The following DOCK4 variants were observed in gnomAD, a reference collection of about 807,000 sequenced individuals.
The protein encoded by DOCK4 is dedicator of cytokinesis protein 4.
A neutral mutation model predicts 268.1 loss-of-function variants in DOCK4; 97 were observed. The observed-to-expected ratio is 0.36, with a 90% confidence interval of 0.31 to 0.43. DOCK4 has a LOEUF of 0.43. Ranked by LOEUF, DOCK4 falls within the 20% of genes least tolerant of loss-of-function variation. The probability of loss-of-function intolerance (pLI) is 1.00; values close to 1 mark genes in which losing one functional copy is unlikely to be tolerated. For missense variants in DOCK4, 2,145 were observed against 2,455.7 expected, an observed-to-expected ratio of 0.87 and a Z score of 2.67; for synonymous variants, 954 against 887.2, an observed-to-expected ratio of 1.08 and a Z score of -1.34.
At chr7:112,195,895 G>T (rs1440941658) in intron 1 of DOCK4, among the ~76,000 whole-genome samples, 1 of 152,120 alleles carries the variant, frequency 6.6e-6, no homozygotes, top group East Asian at 1.9e-4. Flanking sequence ...ATCCAGAAGG[G>T]TTCTCACCAA....
At chr7:111,778,508 A>G (rs2133732906) in intron 35 of DOCK4, 139 bp from the exon 36 acceptor site, 1 of 490,890 alleles carries the variant, frequency 2.0e-6, no homozygotes. Context: ...TAAAAATGAA[A>G]TAAGGTGGCT....
intron 25 of DOCK4, among the ~76,000 whole-genome samples, chr7:111,835,410 T>C (rs150899141): frequency 2.2e-4 from 34 of 152,334 alleles, no homozygotes; most frequent in Non-Finnish European, 4.7e-4. Flanking sequence ...GCTTGGGCTC[T>C]ATGTGATTTG....
At chr7:111,856,661 T>C (rs1805038757) in intron 23 of DOCK4, among the ~76,000 whole-genome samples, 1 of 152,162 alleles carries the variant, frequency 6.6e-6, no homozygotes, top group African/African-American at 2.4e-5. Flanking sequence ...TCCCTGATGG[T>C]GAACACCTGG....
intron 16 of DOCK4, among the ~76,000 whole-genome samples, chr7:111,892,494 G>A (rs994313731): frequency 6.6e-6 from 1 of 152,192 alleles, no homozygotes; most frequent in Non-Finnish European, 1.5e-5. Context: ...GAGCCACTGT[G>A]CCAGGCCCAG....
At chr7:111,977,319 T>C (rs1798284642) in intron 7 of DOCK4, 36 bp from the exon 8 acceptor site, 2 of 1,571,478 alleles carry the variant, frequency 1.3e-6, no homozygotes, top group South Asian at 2.3e-5. Context: ...ATGATCAGCA[T>C]GGACTGAAGG....
chr7:111,856,173 A>G (rs533475090), intron 23 of DOCK4, among the ~76,000 whole-genome samples: 2 of 152,312 alleles, frequency 1.3e-5, no homozygotes, highest in South Asian at 4.1e-4. Context: ...TAAGAAATGA[A>G]ATGATACAGG....
At chr7:111,805,285 G>A (rs1201796932) in intron 30 of DOCK4, among the ~76,000 whole-genome samples, 1 of 152,146 alleles carries the variant, frequency 6.6e-6, no homozygotes, top group African/African-American at 2.4e-5. Flanking sequence ...CCAAGACTGA[G>A]GCGACAGCAG....
At chr7:111,747,096 C>T (rs1182181474) in intron 43 of DOCK4, among the ~76,000 whole-genome samples, 171 bp downstream of exon 43, 1 of 152,102 alleles carries the variant, frequency 6.6e-6, no homozygotes, top group Non-Finnish European at 1.5e-5. Flanking sequence ...AATGGAGTTA[C>T]TGGGCAATTA....
chr7:111,762,747 A>ATTTTTTTTTTT (rs1554584596), intron 39 of DOCK4, among the ~76,000 whole-genome samples: 1 of 78,784 alleles, frequency 1.3e-5, no homozygotes, highest in Non-Finnish European at 2.7e-5. Context: ...TAAATAACCC[A>ATTTTTTTTTTT]TTTTGTTTTG....
At chr7:112,040,381 A>T (rs1804247122) in intron 1 of DOCK4, among the ~76,000 whole-genome samples, 1 of 152,224 alleles carries the variant, frequency 6.6e-6, no homozygotes, top group Non-Finnish European at 1.5e-5. Context: ...CAGAAGAAAT[A>T]CTAGACAGCA....
intron 12 of DOCK4, among the ~76,000 whole-genome samples, chr7:111,925,743 A>G (rs1793557841): frequency 6.6e-6 from 1 of 152,114 alleles, no homozygotes; most frequent in Non-Finnish European, 1.5e-5. Context: ...TAAATTTGGG[A>G]TGTATCTCCT....
chr7:111,755,547 A>C lies in DOCK4; in HGVS notation c.4384T>G (p.Ser1462Ala). Residue 1462 changes from serine (S) to alanine (A), a missense_variant, in exon 42 of 53, where the codon TCT (serine) becomes GCT (alanine). Ser to Ala is a moderately conservative substitution (Grantham distance 99). Around this residue, in one of 2 missense-constraint regions of DOCK4, gnomAD observed 1,598 missense variants for 1,986.7 expected, o/e 0.80. Transcript: ENST00000428084. ...CGCTTTTCCACTTCAAACCAGCGAGAGATGCCAGGCAAACTCTGCACCAAG... is the reference window on the plus strand; with the variant it reads ...CGCTTTTCCACTTCAAACCAGCGAGCGATGCCAGGCAAACTCTGCACCAAG... ...LYLVQSLPGISRWFEVEKREV... is the reference protein window; with the variant it reads ...LYLVQSLPGIARWFEVEKREV... The C allele has an allele frequency of 6.2e-7, 1 of 1,613,964 alleles. No homozygotes were observed.
chr7:112,011,774 A>G (rs1487029402), intron 1 of DOCK4, among the ~76,000 whole-genome samples: 1 of 150,618 alleles, frequency 6.6e-6, no homozygotes, highest in Non-Finnish European at 1.5e-5. Context: ...AAAACCTTTA[A>G]GTTTAAGCTG....
At chr7:111,922,235 T>C (rs375556352) in intron 12 of DOCK4, among the ~76,000 whole-genome samples, 132 of 152,326 alleles carry the variant, frequency 8.7e-4, no homozygotes, top group African/African-American at 3.1e-3. Flanking sequence ...ATTTTGTTTT[T>C]CAAATATCAT....
chr7:111,954,417 C>A (rs540792874), intron 8 of DOCK4, among the ~76,000 whole-genome samples: 54 of 152,212 alleles, frequency 3.5e-4, no homozygotes, highest in African/African-American at 1.3e-3. Flanking sequence ...AATAGATGCC[C>A]TATGTACAGG....
chr7:111,996,687 G>T (rs1312524253), intron 4 of DOCK4, among the ~76,000 whole-genome samples: 1 of 152,086 alleles, frequency 6.6e-6, no homozygotes, highest in African/African-American at 2.4e-5. Flanking sequence ...GTCAGGTGGA[G>T]ACCCCATAAG....
chr7:112,034,826 C>T (rs1469298321), intron 1 of DOCK4, among the ~76,000 whole-genome samples: 10 of 152,048 alleles, frequency 6.6e-5, no homozygotes, highest in South Asian at 2.1e-4. Context: ...TGCTTGAACC[C>T]GGGAGGCGGA....
At chr7:112,106,092 G>C (rs1034115203) in intron 1 of DOCK4, among the ~76,000 whole-genome samples, 1 of 152,230 alleles carries the variant, frequency 6.6e-6, no homozygotes, top group African/African-American at 2.4e-5. Context: ...GGCAAGAGAA[G>C]AGTGCACAAC....
chr7:111,882,991 T>C (rs933439501), intron 16 of DOCK4, among the ~76,000 whole-genome samples: 1 of 152,296 alleles, frequency 6.6e-6, no homozygotes, highest in South Asian at 2.1e-4. Context: ...GATGTTCTAA[T>C]ACACCTGTCC....
Sources: gnomAD v4.1 joint callset for allele counts (sites outside exome capture counted in the v4.1 genomes callset) on GRCh38, gnomAD v4.1.1 for gene constraint, gnomAD v4.1.1 regional missense constraint, MANE v1.5 for transcripts, NCBI Gene and HGNC (gene_info 2026-07-23, HGNC 2026-07-21) for gene names.